Variants in SCN4A observed in about 807,000 individuals in gnomAD.
The protein encoded by SCN4A is sodium channel protein type 4 subunit alpha.
A neutral mutation model predicts 162.0 loss-of-function variants in SCN4A; 83 were observed. That is an observed-to-expected ratio of 0.51 (90% CI 0.43 to 0.61). The LOEUF is 0.61. Among genes scored for constraint, SCN4A ranks in the 20% least tolerant of loss-of-function variants. The probability of loss-of-function intolerance (pLI) is 0.00; values close to 1 mark genes in which losing one functional copy is unlikely to be tolerated. For synonymous variants in SCN4A, 944 were observed against 985.1 expected (o/e 0.96, Z 0.78); for missense variants, 2,196 against 2,462.5 (o/e 0.89, Z 2.29).
At chr17:63,942,391 C>T (rs1908571311) in intron 23 of SCN4A, among the ~76,000 whole-genome samples, 1 of 152,032 alleles carries the variant, frequency 6.6e-6, no homozygotes, top group African/African-American at 2.4e-5. Flanking sequence ...AATTTCCTTA[C>T]CTGTAAAATG....
chr17:63,964,355 C>G, intron 9 of SCN4A, 113 bp downstream of exon 9: 1 of 899,602 alleles, frequency 1.1e-6, no homozygotes, highest in Non-Finnish European at 1.7e-6. Flanking sequence ...GCCTCAAAAC[C>G]CCTACCCCTG....
In SCN4A at chr17:63,945,738, TC is replaced by T. The variant is rs1908696605; in HGVS notation, c.3442-101del. On this transcript the variant is annotated intron_variant, in intron 18 of 23. Transcript: ENST00000435607. This position sits in a 1 kb window ranked among gnomAD's most constrained non-coding sequence, Gnocchi z 4.4. ...GGGGACCAGGCAGAGCTGGGCATTGTCAATTAGGGAGGGCTTCCTAGAGGAG... is the reference window on the plus strand; with the variant it reads ...GGGGACCAGGCAGAGCTGGGCATTGTAATTAGGGAGGGCTTCCTAGAGGAG... 8.1e-7 allele frequency: 1 copy of T among 1,236,364 alleles called. No individual in the cohort carries two copies. The highest frequency in any genetic ancestry group is 1.1e-6 in the Non-Finnish European group (1 of 896,498). 76.6% of individuals were successfully genotyped at this position (1,236,364 alleles called of 1,614,324 possible).
Position 63,949,388 on chromosome 17 carries a change from C to A in SCN4A, c.2989+5G>T. The A allele has an allele frequency of 6.4e-7, 1 of 1,569,078 alleles. No individual in the cohort carries two copies. Among genetic ancestry groups the A allele is most frequent in the South Asian group, 1.2e-5 (1 of 86,102 alleles). On this transcript the variant is annotated splice_donor_5th_base_variant and intron_variant, in intron 15 of 23. Coordinates refer to ENST00000435607, the MANE Select transcript of SCN4A (RefSeq NM_000334.4). ...ACACCCAGATGAGGTGAGGGGTGCC[C>A]TCACCCTCAGTGAAGCACTCCTCAG...
intron 11 of SCN4A, among the ~76,000 whole-genome samples, chr17:63,959,896 G>A (rs1479781897): frequency 1.3e-5 from 2 of 152,162 alleles, no homozygotes; most frequent in Non-Finnish European, 2.9e-5. Flanking sequence ...ATGGGAACGA[G>A]CCACATCTCA....
chr17:63,957,389 C>G lies in SCN4A; in HGVS notation c.2149G>C (p.Val717Leu). The G allele has an allele frequency of 6.2e-7, 1 of 1,614,134 alleles. No individual in the cohort carries two copies. Among genetic ancestry groups the G allele is most frequent in the Non-Finnish European group, 8.5e-7 (1 of 1,179,960 alleles). ...LAIIVFIFAV[V>L]GMQLFGKSYK... ...CTCTTGCCAAACAGCTGCATGCCCA[C>G]CACGGCGAAGATGAACACGATGATA... Residue 717 changes from valine to leucine, a missense_variant, in exon 13 of 24, where the codon GTG becomes CTG. Transcript: ENST00000435607.
In SCN4A at chr17:63,947,061, C is replaced by T. The variant is rs780703403; in HGVS notation, c.3425G>A (p.Arg1142Gln). The T allele has an allele frequency of 1.8e-5, 25 of 1,352,862 alleles. No homozygotes were observed. The highest frequency in any genetic ancestry group is 5.7e-5 in the South Asian group (5 of 87,456). The allele number at this position is 1,352,862 out of a possible 1,614,324, so 83.8% of individuals were successfully genotyped here. A position where few individuals can be genotyped will look rare whatever the true frequency, so the allele number is the denominator to read the frequency against. ...RALRPLRALS[R>Q]FEGMRVVVNA... Reference sequence around the variant, plus strand: ...AGCACCCACCCTCATGCCCTCGAATCGGGACAGTGCCCTCAGGGGACGCAG... The same window carrying T: ...AGCACCCACCCTCATGCCCTCGAATTGGGACAGTGCCCTCAGGGGACGCAG... The change falls in exon 18 of 24, where the codon CGA becomes CAA. Residue 1142 changes from arginine (R) to glutamine (Q), a missense_variant. Transcript: ENST00000435607.
intron 7 of SCN4A, 79 bp downstream of exon 7, chr17:63,966,402 C>G (rs1186368021): frequency 1.4e-6 from 2 of 1,451,664 alleles, no homozygotes; most frequent in Admixed American, 1.7e-5. Context: ...TCCCATGCCC[C>G]CCAGGTCCTC....
chr17:63,972,159 C>G lies in SCN4A; in HGVS notation c.459G>C (p.Pro153=). The change falls in exon 3 of 24, where the codon CCG becomes CCC. Residue 153 remains proline, a synonymous_variant. Transcript: ENST00000435607. The surrounding 1 kb of genome is among the most constrained non-coding windows in gnomAD (Gnocchi z 4.3). ...TNCVFMTMSD[P]PPWSKNVEYT... is the part of the protein sequence containing the mutation. The stretch of plus-strand genomic sequence containing the variant: ...ACTCCACATTCTTGGACCAGGGAGG[C>G]GGGTCACTCATGGTCATGAATACGC... 6.2e-7 allele frequency: 1 copy of G among 1,613,076 alleles called. No individual in the cohort carries two copies. The highest frequency in any genetic ancestry group is 8.5e-7 in the Non-Finnish European group (1 of 1,179,448).
chr17:63,969,675 G>A (rs1909559012), intron 5 of SCN4A, among the ~76,000 whole-genome samples: 2 of 151,550 alleles, frequency 1.3e-5, no homozygotes, highest in Admixed American at 6.6e-5. Flanking sequence ...ATAGAGTCTC[G>A]CTCTGTCGCC....
chr17:63,961,622 G>A, intron 10 of SCN4A, 191 bp from the exon 11 acceptor site: 1 of 379,488 alleles, frequency 2.6e-6, no homozygotes, highest in South Asian at 2.2e-5. Flanking sequence ...TGTAACCTCC[G>A]CCCCACATGG....
chr17:63,948,494 C>T, intron 16 of SCN4A, 117 bp downstream of exon 16: 1 of 856,676 alleles, frequency 1.2e-6, no homozygotes, highest in Non-Finnish European at 1.8e-6. Context: ...TTAGGATTCT[C>T]AGGGTTTGGG....
Position 63,949,444 on chromosome 17 carries a change from G to T in SCN4A, c.2938C>A (p.Gln980Lys). 6.2e-7 allele frequency: 1 copy of T among 1,607,298 alleles called. No individual in the cohort carries two copies. Among genetic ancestry groups the T allele is most frequent in the Admixed American group, 1.7e-5 (1 of 59,078 alleles). Residue 980 changes from glutamine to lysine, a missense_variant, in exon 15 of 24, where the codon CAG becomes AAG. Physicochemically the swap from Gln to Lys is moderately conservative, Grantham distance 53. Transcript: ENST00000435607. ...TCCCCCTCGGGGTTCTCCTCTGCCT[G>T]CTCCTCAGGGTCCTCCTCGGGGGGC... ...YKPPEEDPEE[Q>K]AEENPEGEQP...
rs1218963858 is a variant in SCN4A at position 63,945,061 on chromosome 17, C to T, written c.3721-1G>A. ...TGTCCATCCAACCCTTGAAGGTGGC[C>T]TGAGAGAGTGTGGTTGGGGAGTGAG... On this transcript the variant is annotated splice_acceptor_variant, in intron 19 of 23. Coordinates refer to ENST00000435607, the MANE Select transcript of SCN4A (RefSeq NM_000334.4). LOFTEE classifies it high-confidence loss of function. The surrounding 1 kb of genome is among the most constrained non-coding windows in gnomAD (Gnocchi z 4.4). 6.2e-7 allele frequency: 1 copy of T among 1,613,382 alleles called. No homozygotes were observed. The highest frequency in any genetic ancestry group is 8.5e-7 in the Non-Finnish European group (1 of 1,179,748).
intron 5 of SCN4A, 75 bp from the exon 6 acceptor site, chr17:63,968,430 C>G: frequency 1.6e-6 from 2 of 1,274,652 alleles, no homozygotes; most frequent in Non-Finnish European, 2.2e-6. Flanking sequence ...GCCCCCACCG[C>G]CAAGCTTTTT....
chr17:63,970,391 G>A (rs571833434), intron 5 of SCN4A, among the ~76,000 whole-genome samples: 72 of 152,306 alleles, frequency 4.7e-4, no homozygotes, highest in Non-Finnish European at 7.9e-4. Flanking sequence ...TGGACAGGGC[G>A]AGGCACTTGC....
rs1186398938 is a variant in SCN4A, at chr17:63,957,203, G to T, written c.2335C>A (p.Leu779Ile). The T allele has an allele frequency of 6.3e-7, 1 of 1,595,512 alleles. No individual in the cohort carries two copies. Among genetic ancestry groups the T allele is most frequent in the African/African-American group, 1.3e-5 (1 of 74,696 alleles). ...CMEVAGQAMC[L>I]TVFLMVMVIG... ...ACCATGACCATGAGGAAGACGGTGA[G>T]GCACATGGCTTGGCCGGCCACCTCC... Residue 779 changes from leucine (L) to isoleucine (I), a missense_variant, in exon 13 of 24, where the codon CTC (leucine) becomes ATC (isoleucine). Leu to Ile is a conservative substitution (Grantham distance 5, BLOSUM62 2). Coordinates refer to ENST00000435607, the MANE Select transcript of SCN4A (RefSeq NM_000334.4).
intron 6 of SCN4A, 36 bp downstream of exon 6, chr17:63,967,987 A>T: frequency 6.4e-7 from 1 of 1,554,674 alleles, no homozygotes; most frequent in South Asian, 1.1e-5. Context: ...GGACTGGGAC[A>T]GGATCCCCCT....
rs76894284 is a variant in SCN4A at position 63,957,249 on chromosome 17, G to A, written c.2289C>T (p.Ile763=). ...IVFRILCGEW[I]ETMWDCMEVA... ...CCTCCATGCAGTCCCACATGGTCTC[G>A]ATCCACTCCCCGCACAGGATGCGGA... is the stretch of plus-strand genomic sequence containing the variant. The change falls in exon 13 of 24, where the codon ATC becomes ATT. Residue 763 remains isoleucine, a synonymous_variant. Transcript: ENST00000435607. 26,327 of 1,613,184 alleles carry A rather than the reference G, an allele frequency of 0.016. 255 individuals are homozygous for A. Among genetic ancestry groups the A allele is most frequent in the Middle Eastern group, 0.036 (218 of 6,058 alleles).
intron 5 of SCN4A, among the ~76,000 whole-genome samples, chr17:63,968,817 C>T (rs976981793): frequency 6.6e-6 from 1 of 152,136 alleles, no homozygotes; most frequent in African/African-American, 2.4e-5. Context: ...AAAAGTCCTG[C>T]AGAAATAAAC....
Sources: allele counts gnomAD v4.1 joint callset (sites outside exome capture counted in the v4.1 genomes callset), GRCh38; gene constraint gnomAD v4.1.1; non-coding constraint Gnocchi (gnomAD v3.1); transcripts MANE v1.5; gene names NCBI Gene and HGNC (gene_info 2026-07-23, HGNC 2026-07-21).